ZNF578: variants seen among roughly 807,000 people sequenced by gnomAD.
ZNF578 encodes the protein Putative chemokine-related protein B42.
ZNF578 carries 8 observed loss-of-function variants against 8.3 expected under a neutral mutation model. That is an observed-to-expected ratio of 0.96 (90% CI 0.56 to 1.74). The LOEUF (loss-of-function observed/expected upper bound fraction) is 1.74, where lower values mean the gene tolerates loss of function less well. Among genes scored for constraint, ZNF578 ranks in the 40% most tolerant of loss-of-function variants. The pLI, the probability that ZNF578 is intolerant of heterozygous loss-of-function variation, is 0.00. For missense variants in ZNF578, 726 were observed against 707.5 expected, an observed-to-expected ratio of 1.03 and a Z score of -0.30; for synonymous variants, 206 against 232.2, an observed-to-expected ratio of 0.89 and a Z score of 1.03.
chr19:52,510,470 G>T, intron 5 of ZNF578, 102 bp from the exon 6 acceptor site: 1 of 1,371,134 alleles, frequency 7.3e-7, no homozygotes, highest in Non-Finnish European at 9.5e-7. Context: ...TCATGTTTGG[G>T]AAGTTTAAAA....
In ZNF578 at chr19:52,515,974, C is replaced by T; in HGVS notation, c.*3820C>T. On this transcript the variant is annotated 3_prime_UTR_variant, in exon 6 of 6. Transcript: ENST00000421239. ...TCCCCAGGACAAAAGCCCAACCCCT[C>T]ACTGTGGCTCCACAGCCCCGTGTGC... Among the ~76,000 whole-genome samples, 1 of 152,144 alleles carries T rather than the reference C, an allele frequency of 6.6e-6. No individual in the cohort carries two copies. Among genetic ancestry groups the T allele is most frequent in the Non-Finnish European group, 1.5e-5 (1 of 68,040 alleles).
At chr19:52,467,794 T>G (rs2059280057) in intron 2 of ZNF578, among the ~76,000 whole-genome samples, 1 of 152,172 alleles carries the variant, frequency 6.6e-6, no homozygotes, top group African/African-American at 2.4e-5. Flanking sequence ...CAAGGTGTTT[T>G]GTGGATACTA....
Position 52,510,805 on chromosome 19 carries a change from C to A in ZNF578, c.424C>A (p.His142Asn). 2 of 1,614,152 alleles carry A rather than the reference C, an allele frequency of 1.2e-6. No individual in the cohort carries two copies. The highest frequency in any genetic ancestry group is 1.7e-6 in the Non-Finnish European group (2 of 1,180,006). ...IKELMGSTDR[H>N]DQRHAGNKPI... ...AGAGTTGATGGGTAGCACAGACCGACATGATCAAAGGCATGCTGGAAACAA... is the reference window on the plus strand; with the variant it reads ...AGAGTTGATGGGTAGCACAGACCGAAATGATCAAAGGCATGCTGGAAACAA... Residue 142 changes from histidine (H) to asparagine (N), a missense_variant, in exon 6 of 6, where the codon CAT becomes AAT. Transcript: ENST00000421239.
intron 4 of ZNF578, 62 bp from the exon 5 acceptor site, chr19:52,504,593 T>G: frequency 6.2e-7 from 1 of 1,605,546 alleles, no homozygotes; most frequent in Non-Finnish European, 8.5e-7. Context: ...TTTTCTCATT[T>G]CCTGTGAAGG....
At chr19:52,505,253 A>G (rs1024270284) in intron 5 of ZNF578, among the ~76,000 whole-genome samples, 3 of 151,908 alleles carry the variant, frequency 2.0e-5, no homozygotes, top group African/African-American at 7.3e-5. Context: ...TTCATCCCAT[A>G]AACTAATGAT....
intron 5 of ZNF578, among the ~76,000 whole-genome samples, chr19:52,505,939 C>T (rs570563441): frequency 3.3e-5 from 5 of 151,984 alleles, no homozygotes; most frequent in Admixed American, 1.3e-4. Flanking sequence ...ACTCTGTTTC[C>T]CTGGCTTGAG....
At chr19:52,501,522 C>T (rs953662379) in intron 3 of ZNF578, among the ~76,000 whole-genome samples, 1 of 152,166 alleles carries the variant, frequency 6.6e-6, no homozygotes, top group Non-Finnish European at 1.5e-5. Flanking sequence ...AGGGGCTGTC[C>T]TCTGGATGCG....
intron 2 of ZNF578, among the ~76,000 whole-genome samples, chr19:52,490,857 A>C (rs907461783): frequency 6.6e-6 from 1 of 152,126 alleles, no homozygotes; most frequent in Non-Finnish European, 1.5e-5. Context: ...GACAATACAG[A>C]ATTTCCATTG....
At chr19:52,510,429 T>C in intron 5 of ZNF578, 143 bp from the exon 6 acceptor site, 1 of 1,158,206 alleles carries the variant, frequency 8.6e-7, no homozygotes, top group East Asian at 2.7e-5. Context: ...TTAAAGAATC[T>C]TACTACTTTT....
chr19:52,467,075 G>A (rs1055142389), intron 2 of ZNF578, among the ~76,000 whole-genome samples: 2 of 151,360 alleles, frequency 1.3e-5, no homozygotes, highest in African/African-American at 4.9e-5. Flanking sequence ...CAGTAGAACA[G>A]TTTTGGCTCA....
rs377200999 is a variant in ZNF578 at position 52,511,672 on chromosome 19, G to A, written c.1291G>A (p.Asp431Asn). The A allele has an allele frequency of 2.4e-5, 38 of 1,613,984 alleles. No individual in the cohort carries two copies. In the African/African-American group the frequency reaches 4.1e-4, roughly 18 times the overall value. Residue 431 changes from aspartate to asparagine, a missense_variant, in exon 6 of 6, where the codon GAC (aspartate) becomes AAC (asparagine). Coordinates refer to ENST00000421239, the MANE Select transcript of ZNF578 (RefSeq NM_001099694.2). ...TGGAGAGAAACCTTACAAGTGTAATGACTGTGGTAAGGCTTTTATTCATCA... is the reference window on the plus strand; with the variant it reads ...TGGAGAGAAACCTTACAAGTGTAATAACTGTGGTAAGGCTTTTATTCATCA... ...HTGEKPYKCN[D>N]CGKAFIHQSS...
In ZNF578 at chr19:52,487,227, G is replaced by C. The variant is rs551066563; in HGVS notation, c.-121-4097G>C. ...ACCTGTACTCCCAGCTGCTCTGGTG[G>C]CCAAGCTGGGAGGATGACTTGAGCC... On this transcript the variant is annotated intron_variant, in intron 2 of 5. Coordinates refer to ENST00000421239, the MANE Select transcript of ZNF578 (RefSeq NM_001099694.2). Among the ~76,000 whole-genome samples the C allele has an allele frequency of 4.6e-5, 7 of 152,176 alleles. No individual in the cohort carries two copies. In the South Asian group the frequency reaches 1.0e-3, roughly 23 times the overall value.
In ZNF578 at chr19:52,511,555, A is replaced by G. The variant is rs768153316; in HGVS notation, c.1174A>G (p.Ile392Val). ...TTCAACCCTTGTAATTCATAAGGCA[A>G]TTCATACTGGAGAGAAACCTTACAA... The part of the protein sequence containing the change: ...QNSTLVIHKA[I>V]HTGEKPYKCN... Residue 392 changes from isoleucine (I) to valine (V), a missense_variant, in exon 6 of 6, where the codon ATT (isoleucine) becomes GTT (valine). Ile to Val is a conservative substitution (Grantham distance 29). Coordinates refer to ENST00000421239, the MANE Select transcript of ZNF578 (RefSeq NM_001099694.2). The G allele has an allele frequency of 9.9e-6, 16 of 1,613,556 alleles. No homozygotes were observed. Among genetic ancestry groups the G allele is most frequent in the South Asian group, 3.3e-5 (3 of 91,066 alleles).
At chr19:52,490,445 A>G (rs1697187568) in intron 2 of ZNF578, among the ~76,000 whole-genome samples, 1 of 152,152 alleles carries the variant, frequency 6.6e-6, no homozygotes, top group South Asian at 2.1e-4. Context: ...GGCTGTATAA[A>G]TGTACTTATT....
intron 3 of ZNF578, among the ~76,000 whole-genome samples, chr19:52,494,936 A>T (rs550549162): frequency 6.6e-6 from 1 of 151,994 alleles, no homozygotes; most frequent in Middle Eastern, 3.4e-3. Context: ...GGCTCAAGCA[A>T]TCCTCCTCCC....
At chr19:52,454,247 A>G (rs527975457) in intron 1 of ZNF578, 7 of 152,346 alleles carry the variant, frequency 4.6e-5, no homozygotes, top group Admixed American at 1.3e-4. Flanking sequence ...CACGGTAGTA[A>G]ACACTGAACC....
At chr19:52,479,909 G>T (rs1870254) in intron 2 of ZNF578, among the ~76,000 whole-genome samples, 15,203 of 151,972 alleles carry the variant, frequency 0.1, 1,290 homozygotes, top group East Asian at 0.33. Flanking sequence ...TTTTTTATCT[G>T]TATTCATTTA....
chr19:52,506,427 A>G (rs2059425764), intron 5 of ZNF578, among the ~76,000 whole-genome samples: 1 of 147,502 alleles, frequency 6.8e-6, no homozygotes, highest in African/African-American at 2.5e-5. Flanking sequence ...CCTGGCCAAC[A>G]TGGTGAAACC....
intron 4 of ZNF578, among the ~76,000 whole-genome samples, chr19:52,503,378 C>G (rs1175688840): frequency 6.6e-6 from 1 of 152,196 alleles, no homozygotes; most frequent in Non-Finnish European, 1.5e-5. Context: ...TGGAGTCTCT[C>G]TCTGTTGCCC....
Sources: gnomAD v4.1 joint callset for allele counts (sites outside exome capture counted in the v4.1 genomes callset) on GRCh38, gnomAD v4.1.1 for gene constraint, MANE v1.5 for transcripts, NCBI Gene and HGNC (gene_info 2026-07-23, HGNC 2026-07-21) for gene names.